Variants in HBS1L observed in about 807,000 individuals in gnomAD.
HBS1L encodes the protein HBS1 like translational GTPase.
In HBS1L, 55 loss-of-function variants were observed where a neutral mutation model predicts 88.9. The observed-to-expected ratio is 0.62, with a 90% CI of 0.50 to 0.77. The LOEUF (loss-of-function observed/expected upper bound fraction) is 0.77. Among genes scored for constraint, HBS1L ranks in the 30% least tolerant of loss-of-function variants. The pLI, the probability that HBS1L is intolerant of heterozygous loss-of-function variation, is 0.00. For synonymous variants in HBS1L, 267 were observed against 288.5 expected (o/e 0.93, Z 0.76); for missense variants, 741 against 829.3 (o/e 0.89, Z 1.31).
At chr6:135,037,856 T>A (rs1287877589) in intron 4 of HBS1L, 22 of 1,547,158 alleles carry the variant, frequency 1.4e-5, no homozygotes, top group East Asian at 2.4e-5. Context: ...AGTTTCTTTT[T>A]TCTATGGAGT....
chr6:135,034,625 C>A (rs995902776), intron 4 of HBS1L, among the ~76,000 whole-genome samples: 13 of 152,172 alleles, frequency 8.5e-5, no homozygotes, highest in Non-Finnish European at 2.9e-5. Flanking sequence ...GCCTGGGGAA[C>A]AGAGTGAGAC....
intron 4 of HBS1L, chr6:135,037,356 C>T: frequency 1.3e-6 from 2 of 1,551,648 alleles, no homozygotes; most frequent in Non-Finnish European, 1.7e-6. Flanking sequence ...ACTGAGAAAA[C>T]TGCAAATTAT....
chr6:134,980,312 C>T (rs892207535), intron 13 of HBS1L, among the ~76,000 whole-genome samples: 3 of 151,998 alleles, frequency 2.0e-5, no homozygotes, highest in Non-Finnish European at 4.4e-5. Context: ...TGCAAAATAT[C>T]ATGTATGTGC....
At chr6:135,036,759 T>C (rs1418908130) in intron 4 of HBS1L, 2 of 1,551,384 alleles carry the variant, frequency 1.3e-6, no homozygotes, top group Non-Finnish European at 1.7e-6. Flanking sequence ...GAAGACACAG[T>C]GTTGAGGCAA....
At chr6:134,968,218 C>T (rs1341039665) in intron 16 of HBS1L, among the ~76,000 whole-genome samples, 1 of 151,346 alleles carries the variant, frequency 6.6e-6, no homozygotes, top group East Asian at 1.9e-4. Flanking sequence ...CTGCAATTAG[C>T]CTTAACTTGG....
intron 3 of HBS1L, among the ~76,000 whole-genome samples, chr6:135,040,658 C>T (rs1186598268): frequency 6.6e-6 from 1 of 151,798 alleles, no homozygotes; most frequent in African/African-American, 2.4e-5. Flanking sequence ...CCGGCATTCA[C>T]TTTTAAAAGA....
intron 5 of HBS1L, 86 bp downstream of exon 5, chr6:135,002,648 G>C: frequency 1.4e-6 from 1 of 708,706 alleles, no homozygotes; most frequent in Non-Finnish European, 2.5e-6. Flanking sequence ...ATGCGAAATT[G>C]AAACAGTCTC....
At chr6:135,032,350 C>T (rs1353135012) in intron 4 of HBS1L, among the ~76,000 whole-genome samples, 2 of 151,962 alleles carry the variant, frequency 1.3e-5, no homozygotes, top group Non-Finnish European at 2.9e-5. Context: ...CAAAATGTGA[C>T]AAATTTTTTA....
chr6:135,045,222 A>C (rs899902381), intron 2 of HBS1L, among the ~76,000 whole-genome samples: 3 of 152,218 alleles, frequency 2.0e-5, no homozygotes, highest in African/African-American at 7.2e-5. Context: ...CAAATACAAC[A>C]AATAAAGGAG....
In HBS1L at chr6:134,964,985, A is replaced by G. The variant is rs1030627952; in HGVS notation, c.*294T>C. ...AGAGTTCATTTCATGATGATTCAGT[A>G]TCTTCAGATACTATTTTTGACACTT... is the stretch of plus-strand genomic sequence containing the variant. On this transcript the variant is annotated 3_prime_UTR_variant, in exon 18 of 18. Coordinates refer to ENST00000367837, the MANE Select transcript of HBS1L (RefSeq NM_006620.4). 2.3e-6 allele frequency: 1 copy of G among 437,634 alleles called. No homozygotes were observed. Among genetic ancestry groups the G allele is most frequent in the Non-Finnish European group, 4.1e-6 (1 of 244,684 alleles). The allele number at this position is 437,634 out of a possible 1,614,324, so 27.1% of individuals were successfully genotyped here.
chr6:134,984,194 A>G (rs1027720112), intron 12 of HBS1L, among the ~76,000 whole-genome samples: 1 of 152,192 alleles, frequency 6.6e-6, no homozygotes, highest in African/African-American at 2.4e-5. Flanking sequence ...CTTGGAAACT[A>G]TTAGCATATT....
At chr6:135,020,866 G>T (rs1307761340) in intron 4 of HBS1L, among the ~76,000 whole-genome samples, 1 of 151,930 alleles carries the variant, frequency 6.6e-6, no homozygotes, top group Non-Finnish European at 1.5e-5. Context: ...ATGTGTGGTT[G>T]TCAGAAACTA....
chr6:134,972,439 AC>A (rs1774517883), intron 15 of HBS1L, among the ~76,000 whole-genome samples: 1 of 152,186 alleles, frequency 6.6e-6, no homozygotes, highest in South Asian at 2.1e-4. Context: ...TATGTACAAA[AC>A]TTAACTGAAA....
intron 4 of HBS1L, among the ~76,000 whole-genome samples, chr6:135,023,184 C>G (rs1003836521): frequency 3.3e-5 from 5 of 152,102 alleles, no homozygotes; most frequent in African/African-American, 7.2e-5. Context: ...CTGGCTCACG[C>G]CTATAATCCC....
chr6:135,013,976 A>T (rs1775845353), intron 4 of HBS1L, among the ~76,000 whole-genome samples: 1 of 152,174 alleles, frequency 6.6e-6, no homozygotes, highest in Admixed American at 6.5e-5. Context: ...ATGACATTTT[A>T]TATCAGGGAT....
intron 15 of HBS1L, 45 bp downstream of exon 15, chr6:134,978,634 T>C (rs750643731): frequency 2.8e-6 from 3 of 1,090,050 alleles, no homozygotes; most frequent in Non-Finnish European, 4.1e-6. Flanking sequence ...ATAAAGTTAC[T>C]TTGAATTTAT....
chr6:135,002,827 G>T lies in HBS1L; in HGVS notation c.446C>A (p.Ser149Tyr). ...TTCAGATTCACTTCGCGATGTCTGG[G>T]AATCTACTGGTTTTCCTAGTTAAGG... Reference protein sequence around the residue: ...GKIAKGKPVDSQTSRSESEIV... With the variant: ...GKIAKGKPVDYQTSRSESEIV... Residue 149 changes from serine to tyrosine, a missense_variant, in exon 5 of 18, where the codon TCC becomes TAC. Transcript: ENST00000367837. 6.2e-7 allele frequency: 1 copy of T among 1,611,684 alleles called. No homozygotes were observed. Among genetic ancestry groups the T allele is most frequent in the South Asian group, 1.1e-5 (1 of 90,942 alleles).
chr6:135,031,519 C>T (rs1776384001), intron 4 of HBS1L, among the ~76,000 whole-genome samples: 1 of 151,790 alleles, frequency 6.6e-6, no homozygotes, highest in Admixed American at 6.6e-5. Context: ...AGAGATGAAC[C>T]AAGGATGATA....
At chr6:135,035,224 G>A (rs542372107) in intron 4 of HBS1L, among the ~76,000 whole-genome samples, 5 of 152,100 alleles carry the variant, frequency 3.3e-5, no homozygotes, top group Non-Finnish European at 5.9e-5. Context: ...AGGCCTAGGC[G>A]GTGGATCACA....
Sources: allele counts gnomAD v4.1 joint callset (sites outside exome capture counted in the v4.1 genomes callset), GRCh38; gene constraint gnomAD v4.1.1; transcripts MANE v1.5; gene names NCBI Gene and HGNC (gene_info 2026-07-23, HGNC 2026-07-21).